CFAP144: variants seen among roughly 807,000 people sequenced by gnomAD.
CFAP144 encodes the protein cilia and flagella associated protein 144.
At chr1:43,155,783 G>A in the CFAP144 span, among the ~76,000 whole-genome samples, 2 of 152,214 alleles carry the variant, frequency 1.3e-5, no homozygotes, top group African/African-American at 2.4e-5. Context: ...CCATCATTCA[G>A]CCTCTCATCT....
the CFAP144 span, among the ~76,000 whole-genome samples, chr1:43,149,948 C>A: frequency 6.6e-6 from 1 of 152,172 alleles, no homozygotes; most frequent in Non-Finnish European, 1.5e-5. Context: ...GCTCACTCCA[C>A]TGGAGCCACT....
At chr1:43,145,152 T>C in the CFAP144 span, 1 of 928,632 alleles carries the variant, frequency 1.1e-6, no homozygotes, top group South Asian at 1.4e-5. Flanking sequence ...TCATGCCTGG[T>C]CAGCCAGCCT....
chr1:43,154,233 T>TA, the CFAP144 span, among the ~76,000 whole-genome samples: 4 of 144,166 alleles, frequency 2.8e-5, no homozygotes, highest in African/African-American at 1.0e-4. Context: ...AATTTTTATA[T>TA]AAAAATTATA....
the CFAP144 span, chr1:43,150,681 C>T: frequency 3.0e-5 from 38 of 1,280,478 alleles, no homozygotes; most frequent in South Asian, 4.8e-4. Context: ...AAATGGGTGC[C>T]CTGTTTAAGG....
chr1:43,150,943 A>G, the CFAP144 span: 2 of 763,766 alleles, frequency 2.6e-6, no homozygotes, highest in African/African-American at 1.7e-5. Flanking sequence ...GATCCTGGAA[A>G]TGGGACTCAT....
At chr1:43,155,161 C>T in the CFAP144 span, among the ~76,000 whole-genome samples, 3 of 152,056 alleles carry the variant, frequency 2.0e-5, no homozygotes, top group Non-Finnish European at 2.9e-5. Flanking sequence ...AGAATCTTTG[C>T]CGGGGAGAAG....
chr1:43,156,282 C>T, the CFAP144 span: 62 of 1,613,862 alleles, frequency 3.8e-5, no homozygotes, highest in African/African-American at 2.4e-4. Context: ...AAGGCTAAAA[C>T]GTGGGGCTTA....
the CFAP144 span, chr1:43,147,943 C>G: frequency 6.2e-7 from 1 of 1,613,730 alleles, no homozygotes; most frequent in East Asian, 2.2e-5. Context: ...CGCGTGGCAG[C>G]CCAAGGCCAT....
At chr1:43,153,912 T>C in the CFAP144 span, among the ~76,000 whole-genome samples, 1 of 150,470 alleles carries the variant, frequency 6.6e-6, no homozygotes, top group African/African-American at 2.4e-5. Flanking sequence ...CATTTTTAAG[T>C]CATCAAATAT....
At chr1:43,148,070 ATC>A in the CFAP144 span, 6 of 1,613,342 alleles carry the variant, frequency 3.7e-6, no homozygotes, top group Admixed American at 1.7e-5. Flanking sequence ...TATCACGTGA[ATC>A]CCCTCCGCAA....
the CFAP144 span, among the ~76,000 whole-genome samples, chr1:43,148,689 C>A: frequency 3.3e-5 from 5 of 152,142 alleles, no homozygotes; most frequent in Non-Finnish European, 5.9e-5. Flanking sequence ...CCACCTTCCC[C>A]ACTCTCTGCT....
the CFAP144 span, among the ~76,000 whole-genome samples, chr1:43,143,959 G>A: frequency 6.6e-6 from 1 of 152,182 alleles, no homozygotes; most frequent in African/African-American, 2.4e-5. Flanking sequence ...GGTCTTCACC[G>A]TCCTCATGGT....
the CFAP144 span, among the ~76,000 whole-genome samples, chr1:43,150,454 A>G: frequency 3.3e-5 from 5 of 152,222 alleles, no homozygotes; most frequent in African/African-American, 1.2e-4. Flanking sequence ...GCCTGCAGCT[A>G]TTGAGCACTT....
At chr1:43,145,267 A>C in the CFAP144 span, 2 of 1,550,168 alleles carry the variant, frequency 1.3e-6, no homozygotes, top group Non-Finnish European at 1.7e-6. Flanking sequence ...GAGAGTGAAG[A>C]GTGGAACACA....
chr1:43,150,637 A>G, the CFAP144 span: 1 of 789,016 alleles, frequency 1.3e-6, no homozygotes, highest in African/African-American at 1.7e-5. Context: ...ACCCAGGATA[A>G]TACCTGGCAT....
chr1:43,148,502 C>T, the CFAP144 span, among the ~76,000 whole-genome samples: 1 of 152,154 alleles, frequency 6.6e-6, no homozygotes, highest in Non-Finnish European at 1.5e-5. Flanking sequence ...ACCCTCCACT[C>T]TTGTCACTGA....
chr1:43,150,893 GTCGTGA>G, the CFAP144 span: 2 of 1,251,640 alleles, frequency 1.6e-6, no homozygotes. Context: ...ACCTCTCAGG[GTCGTGA>G]TATCTTGGAG....
At chr1:43,154,683 T>G in the CFAP144 span, among the ~76,000 whole-genome samples, 1 of 151,984 alleles carries the variant, frequency 6.6e-6, no homozygotes, top group African/African-American at 2.4e-5. Flanking sequence ...AAAAAATAAA[T>G]TTAAAATTTA....
At chr1:43,154,081 T>C in the CFAP144 span, among the ~76,000 whole-genome samples, 4 of 139,882 alleles carry the variant, frequency 2.9e-5, no homozygotes, top group African/African-American at 1.0e-4. Context: ...TATATATATA[T>C]ATATATATAT....
Sources: gnomAD v4.1 joint callset for allele counts (sites outside exome capture counted in the v4.1 genomes callset) on GRCh38, gnomAD v4.1.1 for gene constraint, MANE v1.5 for transcripts, NCBI Gene and HGNC (gene_info 2026-07-23, HGNC 2026-07-21) for gene names.